DNAH7: variants seen among roughly 807,000 people sequenced by gnomAD.
DNAH7 encodes axonemal beta dynein heavy chain 7.
A neutral mutation model predicts 444.6 loss-of-function variants in DNAH7; 397 were observed. The ratio of observed to expected loss-of-function variants is 0.89; its 90% CI spans 0.82 to 0.97. The LOEUF (loss-of-function observed/expected upper bound fraction) is 0.97, where lower values mean the gene tolerates loss of function less well. Ranked by LOEUF, DNAH7 falls within the 50% of genes least tolerant of loss-of-function variation. The pLI is 0.00. For synonymous variants in DNAH7, 1,636 were observed against 1,624.4 expected, an observed-to-expected ratio of 1.01 and a Z score of -0.17; for missense variants, 4,902 against 4,800.8, an observed-to-expected ratio of 1.02 and a Z score of -0.62.
chr2:195,784,552 T>C (rs1405422385), intron 58 of DNAH7, among the ~76,000 whole-genome samples: 1 of 152,262 alleles, frequency 6.6e-6, no homozygotes. Context: ...ATAAAGCTTC[T>C]ACACATCTAT....
chr2:196,047,365 CAA>C lies in DNAH7; in HGVS notation c.383_384del (p.Leu128ArgfsTer2). The C allele has an allele frequency of 6.3e-7, 1 of 1,595,188 alleles. No homozygotes were observed. Among genetic ancestry groups the C allele is most frequent in the South Asian group, 1.1e-5 (1 of 87,018 alleles). On this transcript the variant is annotated frameshift_variant, in exon 5 of 65. Coordinates refer to ENST00000312428, the MANE Select transcript of DNAH7 (RefSeq NM_018897.3). LOFTEE classifies it high-confidence loss of function. ...TATACAACTTACATAATGACATTAA[CAA>C]GAGTACTTCTAAAGTTTTCTCGTTC... ...HKERENFRST[L>X]VNVIMQQDAD...
intron 58 of DNAH7, among the ~76,000 whole-genome samples, chr2:195,778,689 TAC>T (rs1695218131): frequency 1.0e-5 from 1 of 97,408 alleles, no homozygotes; most frequent in Non-Finnish European, 1.9e-5. Flanking sequence ...CACATATATA[TAC>T]ACATATATAT....
intron 47 of DNAH7, among the ~76,000 whole-genome samples, chr2:195,838,532 T>C (rs999706732): frequency 6.6e-6 from 1 of 151,560 alleles, no homozygotes; most frequent in Non-Finnish European, 1.5e-5. Flanking sequence ...ATATCTGAAA[T>C]TAAAAGTCCC....
intron 18 of DNAH7, 34 bp downstream of exon 18, chr2:195,960,224 CAT>C (rs769977007): frequency 5.3e-6 from 8 of 1,506,624 alleles, no homozygotes; most frequent in South Asian, 3.9e-5. Context: ...ATTTTGGTAA[CAT>C]AGCATAAACA....
intron 47 of DNAH7, among the ~76,000 whole-genome samples, chr2:195,835,600 C>T (rs1226863949): frequency 6.6e-6 from 1 of 152,084 alleles, no homozygotes; most frequent in Non-Finnish European, 1.5e-5. Flanking sequence ...AATCCCAGCA[C>T]TTTCGGAGGC....
chr2:195,840,934 T>C (rs1698646892), intron 47 of DNAH7, among the ~76,000 whole-genome samples: 1 of 151,794 alleles, frequency 6.6e-6, no homozygotes, highest in Admixed American at 6.6e-5. Context: ...CATTTAAAAA[T>C]TGATTCTAAA....
rs369692694 is a variant in DNAH7 at position 195,989,505 on chromosome 2, T to C, written c.1354-1276A>G. Among the ~76,000 whole-genome samples, 8 of 152,334 alleles carry C rather than the reference T, an allele frequency of 5.3e-5. No homozygotes were observed. The East Asian group carries it at 1.5e-3, about 29-fold the overall frequency. Reference sequence around the variant, plus strand: ...GTATATCTTCTTGTGATAAATGTCTTGTCAGGTTTTCCATCAATAATAGGA... The same window carrying C: ...GTATATCTTCTTGTGATAAATGTCTCGTCAGGTTTTCCATCAATAATAGGA... On this transcript the variant is annotated intron_variant, in intron 12 of 64. Coordinates refer to ENST00000312428, the MANE Select transcript of DNAH7 (RefSeq NM_018897.3).
At chr2:195,894,041 T>C (rs1702163622) in intron 30 of DNAH7, 1 of 151,578 alleles carries the variant, frequency 6.6e-6, no homozygotes, top group South Asian at 2.1e-4. Context: ...AGAAGGGAAG[T>C]AAAGAAACAA....
rs201152514 is a variant in DNAH7 at position 196,001,760 on chromosome 2, C to G, written c.1088G>C (p.Cys363Ser). The G allele has an allele frequency of 1.2e-6, 2 of 1,612,422 alleles. No individual in the cohort carries two copies. The highest frequency in any genetic ancestry group is 1.3e-5 in the African/African-American group (1 of 74,852). ...SSAKLESFFN[C>S]AAALMTLQLQ... ...CTGTAAAGTCATAAGTGCAGCAGCA[C>G]AGTTGAAAAAAGATTCCAATTTGGC... The change falls in exon 11 of 65, where the codon TGT becomes TCT. Residue 363 changes from cysteine to serine, a missense_variant. By Grantham distance (112) the Cys-to-Ser change is moderately radical. Transcript: ENST00000312428.
At chr2:196,062,964 C>A (rs992111602) in intron 1 of DNAH7, among the ~76,000 whole-genome samples, 9 of 152,184 alleles carry the variant, frequency 5.9e-5, no homozygotes, top group Non-Finnish European at 7.3e-5. Context: ...CTCACTGCAA[C>A]CTCCACCTCC....
At chr2:195,948,624 G>T (rs1251143680) in intron 19 of DNAH7, among the ~76,000 whole-genome samples, 1 of 152,268 alleles carries the variant, frequency 6.6e-6, no homozygotes, top group East Asian at 1.9e-4. Flanking sequence ...TGATTTCTGA[G>T]GTCTCTGTTC....
intron 54 of DNAH7, among the ~76,000 whole-genome samples, chr2:195,804,624 A>G (rs1696622655): frequency 6.6e-6 from 1 of 152,218 alleles, no homozygotes; most frequent in Non-Finnish European, 1.5e-5. Flanking sequence ...AAGCCTGCTT[A>G]TAGTGCTTAA....
chr2:195,888,808 G>A lies in DNAH7; in HGVS notation c.5220C>T (p.Ser1740=), dbSNP rs1429139691. The part of the protein sequence containing the change: ...IFEPMDLEVA[S]PATVSRCGMI... Reference sequence around the variant, plus strand: ...AAAATGGAGAACTTACAGTGGCAGGGGAAGCAACTTCTAAATCCATTGGCT... The same window carrying A: ...AAAATGGAGAACTTACAGTGGCAGGAGAAGCAACTTCTAAATCCATTGGCT... Residue 1740 remains serine (S), a synonymous_variant, in exon 32 of 65, where the codon TCC becomes TCT. Coordinates refer to ENST00000312428, the MANE Select transcript of DNAH7 (RefSeq NM_018897.3). 1 of 1,610,350 alleles carries A rather than the reference G, an allele frequency of 6.2e-7. No homozygotes were observed. Among genetic ancestry groups the A allele is most frequent in the Non-Finnish European group, 8.5e-7 (1 of 1,178,588 alleles).
Position 195,998,968 on chromosome 2 carries a change from C to T in DNAH7, c.1353+1736G>A, listed in dbSNP as rs998872838. ...GGTCATTATGTGCAGAAGTGAGCAG[C>T]TGCCCTGGGGACCCTGCTGATCCTT... On this transcript the variant is annotated intron_variant, in intron 12 of 64. Coordinates refer to ENST00000312428, the MANE Select transcript of DNAH7 (RefSeq NM_018897.3). 1.3e-5 allele frequency: 8 copies of T among 611,070 alleles called. No homozygotes were observed. In the Admixed American group the frequency reaches 2.0e-4, roughly 15 times the overall value. The allele number at this position is 611,070 out of a possible 1,614,324, so 37.9% of individuals were successfully genotyped here.
At chr2:195,778,618 G>GGAAAAAAAAAAAAAA (rs1365539221) in intron 58 of DNAH7, among the ~76,000 whole-genome samples, 3 of 21,790 alleles carry the variant, frequency 1.4e-4, no homozygotes, top group African/African-American at 2.0e-4. Context: ...GACCCTGTCT[G>GGAAAAAAAAAAAAAA]AAAAAAAAAA....
chr2:195,864,325 G>A lies in DNAH7; in HGVS notation c.7330C>T (p.Arg2444Trp), dbSNP rs375400455. ...CDKMRQLDRQRDKTKQTDGSP... is the reference protein window; with the variant it reads ...CDKMRQLDRQWDKTKQTDGSP... ...CCATCTGTTTGCTTGGTTTTATCCC[G>A]CTGGCGATCTAACTGACGCATCTTA... is the stretch of plus-strand genomic sequence containing the variant. Residue 2444 changes from arginine (R) to tryptophan (W), a missense_variant, in exon 41 of 65, where the codon CGG becomes TGG. Coordinates refer to ENST00000312428, the MANE Select transcript of DNAH7 (RefSeq NM_018897.3). The A allele has an allele frequency of 5.3e-5, 86 of 1,613,966 alleles. No homozygotes were observed. The highest frequency in any genetic ancestry group is 1.6e-4 in the Middle Eastern group (1 of 6,084).
At chr2:195,970,510 C>A (rs571088111) in intron 16 of DNAH7, among the ~76,000 whole-genome samples, 3 of 151,988 alleles carry the variant, frequency 2.0e-5, no homozygotes, top group Non-Finnish European at 2.9e-5. Flanking sequence ...CTGAAAAAAA[C>A]GGAATTTCTT....
chr2:195,817,509 G>A (rs1291427824), intron 50 of DNAH7, among the ~76,000 whole-genome samples, 187 bp downstream of exon 50: 1 of 152,184 alleles, frequency 6.6e-6, no homozygotes, highest in African/African-American at 2.4e-5. Context: ...GAACTTGCAT[G>A]TAAAAATATA....
intron 9 of DNAH7, among the ~76,000 whole-genome samples, chr2:196,017,760 TA>T (rs1695122716): frequency 6.6e-6 from 1 of 151,950 alleles, no homozygotes; most frequent in Non-Finnish European, 1.5e-5. Context: ...TGGAAGAAAA[TA>T]AAAATGAATT....
Sources: gnomAD v4.1 joint callset for allele counts (sites outside exome capture counted in the v4.1 genomes callset) on GRCh38, gnomAD v4.1.1 for gene constraint, MANE v1.5 for transcripts, NCBI Gene and HGNC (gene_info 2026-07-23, HGNC 2026-07-21) for gene names.